Variants in TRAPPC9 observed in about 807,000 individuals in gnomAD.
The protein encoded by TRAPPC9 is IKK2 binding protein.
Under a neutral mutation model 124.0 loss-of-function variants are expected in TRAPPC9, and 83 were observed. The ratio of observed to expected loss-of-function variants is 0.67; its 90% CI spans 0.56 to 0.80. The LOEUF (loss-of-function observed/expected upper bound fraction) is 0.80, where lower values mean the gene tolerates loss of function less well. Among genes scored for constraint, TRAPPC9 ranks in the 30% least tolerant of loss-of-function variants. The probability of loss-of-function intolerance (pLI) is 0.00; values close to 1 mark genes in which losing one functional copy is unlikely to be tolerated. For synonymous variants in TRAPPC9, 638 were observed against 617.5 expected (o/e 1.03, Z -0.49); for missense variants, 1,302 against 1,508.3 (o/e 0.86, Z 2.27).
intron 20 of TRAPPC9, among the ~76,000 whole-genome samples, chr8:139,891,833 C>T (rs1446068498): frequency 6.6e-6 from 1 of 152,226 alleles, no homozygotes; most frequent in Non-Finnish European, 1.5e-5. Flanking sequence ...TACACGTGCT[C>T]AGCGATTTAA....
At chr8:139,952,440 C>T (rs893357427) in intron 19 of TRAPPC9, among the ~76,000 whole-genome samples, 8 of 152,120 alleles carry the variant, frequency 5.3e-5, no homozygotes, top group Non-Finnish European at 1.0e-4. Context: ...TTCTATTTCA[C>T]GGAACTTTTA....
At chr8:139,852,526 G>A (rs915923981) in intron 21 of TRAPPC9, among the ~76,000 whole-genome samples, 3 of 152,162 alleles carry the variant, frequency 2.0e-5, no homozygotes, top group African/African-American at 7.2e-5. Flanking sequence ...CTTCCTTCTT[G>A]TGGGCAGTTT....
intron 17 of TRAPPC9, among the ~76,000 whole-genome samples, chr8:140,048,003 T>C (rs1841729523): frequency 6.6e-6 from 1 of 152,222 alleles, no homozygotes; most frequent in Non-Finnish European, 1.5e-5. Context: ...TGTGCAGCAC[T>C]GGCTGGGCCA....
chr8:139,982,952 C>T (rs1720093409), intron 19 of TRAPPC9, among the ~76,000 whole-genome samples: 1 of 152,212 alleles, frequency 6.6e-6, no homozygotes, highest in Non-Finnish European at 1.5e-5. Flanking sequence ...CCCTGGCCAC[C>T]TCCTGCTCAC....
At chr8:140,101,911 T>C (rs2060588125) in intron 17 of TRAPPC9, among the ~76,000 whole-genome samples, 2 of 152,016 alleles carry the variant, frequency 1.3e-5, no homozygotes, top group Admixed American at 1.3e-4. Flanking sequence ...AGGAAAGGAA[T>C]GTCTTCAGAG....
chr8:140,212,569 T>G (rs886517375), intron 17 of TRAPPC9, among the ~76,000 whole-genome samples: 1 of 151,978 alleles, frequency 6.6e-6, no homozygotes, highest in Non-Finnish European at 1.5e-5. Context: ...GGGATTTTTT[T>G]CCCCCATGAT....
chr8:140,440,432 G>A (rs372622074), intron 2 of TRAPPC9, among the ~76,000 whole-genome samples: 4 of 151,870 alleles, frequency 2.6e-5, no homozygotes, highest in East Asian at 1.9e-4. Context: ...ACTTGAACCC[G>A]GGAGGCGGAG....
At chr8:139,869,267 C>CA (rs1413373256) in intron 21 of TRAPPC9, among the ~76,000 whole-genome samples, 1 of 151,976 alleles carries the variant, frequency 6.6e-6, no homozygotes, top group Non-Finnish European at 1.5e-5. Flanking sequence ...ACCAGCCAAA[C>CA]AAAAAGAAGG....
chr8:140,010,437 T>C (rs1050345423), intron 18 of TRAPPC9, among the ~76,000 whole-genome samples: 2 of 152,196 alleles, frequency 1.3e-5, no homozygotes, highest in East Asian at 3.8e-4. Context: ...TGTAGTAAAA[T>C]GCAGATAGCA....
intron 7 of TRAPPC9, among the ~76,000 whole-genome samples, chr8:140,378,678 G>A (rs2068518407): frequency 6.6e-6 from 1 of 152,248 alleles, no homozygotes; most frequent in Non-Finnish European, 1.5e-5. Context: ...AAGGACTGAG[G>A]TATTTTCTAT....
chr8:140,297,349 GACAC>G (rs1554663384), intron 11 of TRAPPC9, among the ~76,000 whole-genome samples: 1 of 151,544 alleles, frequency 6.6e-6, no homozygotes, highest in Admixed American at 6.6e-5. Flanking sequence ...CACATGCATA[GACAC>G]ACACACATAC....
intron 9 of TRAPPC9, among the ~76,000 whole-genome samples, chr8:140,347,125 C>T (rs2067372522): frequency 6.6e-6 from 1 of 152,244 alleles, no homozygotes; most frequent in Non-Finnish European, 1.5e-5. Context: ...ACCAGCCTCT[C>T]CTCCAGGAGC....
chr8:139,736,633 A>C (rs1818184147), intron 21 of TRAPPC9, among the ~76,000 whole-genome samples: 1 of 151,944 alleles, frequency 6.6e-6, no homozygotes. Context: ...TGGGACCCCC[A>C]GGGTACAGCT....
intron 19 of TRAPPC9, among the ~76,000 whole-genome samples, chr8:139,986,069 C>G (rs374244531): frequency 5.3e-5 from 8 of 152,010 alleles, no homozygotes; most frequent in African/African-American, 1.7e-4. Context: ...ATGGTGAAAT[C>G]CCATCTCTAC....
chr8:139,848,603 T>C (rs1827252082), intron 21 of TRAPPC9, among the ~76,000 whole-genome samples: 1 of 152,166 alleles, frequency 6.6e-6, no homozygotes, highest in Non-Finnish European at 1.5e-5. Context: ...CTTCTATATA[T>C]AGACATACAA....
At chr8:139,816,937 C>T (rs1344330752) in intron 21 of TRAPPC9, among the ~76,000 whole-genome samples, 1 of 152,026 alleles carries the variant, frequency 6.6e-6, no homozygotes, top group Non-Finnish European at 1.5e-5. Flanking sequence ...TCTTCTTTTT[C>T]TCCTTTTGCT....
chr8:139,741,870 C>T (rs1241997150), intron 21 of TRAPPC9, among the ~76,000 whole-genome samples: 2 of 152,170 alleles, frequency 1.3e-5, no homozygotes, highest in Admixed American at 6.5e-5. Flanking sequence ...TTTCTCATGG[C>T]GGGACAATAC....
intron 21 of TRAPPC9, among the ~76,000 whole-genome samples, chr8:139,798,272 G>C (rs1823241535): frequency 6.6e-6 from 1 of 152,114 alleles, no homozygotes; most frequent in East Asian, 1.9e-4. Context: ...TGCTGCTATT[G>C]TAGATGGAAG....
chr8:139,806,418 A>G (rs1824062421), intron 21 of TRAPPC9, among the ~76,000 whole-genome samples: 1 of 152,188 alleles, frequency 6.6e-6, no homozygotes, highest in South Asian at 2.1e-4. Flanking sequence ...ACGCAGGCAC[A>G]TGATCTTGGC....
Sources: allele counts gnomAD v4.1 joint callset (sites outside exome capture counted in the v4.1 genomes callset), GRCh38; gene constraint gnomAD v4.1.1; transcripts MANE v1.5; gene names NCBI Gene and HGNC (gene_info 2026-07-23, HGNC 2026-07-21).